Variants in COL25A1 observed in about 807,000 individuals in gnomAD.
COL25A1 encodes the protein collagen type XXV alpha 1 chain.
Under a neutral mutation model 128.4 loss-of-function variants are expected in COL25A1, and 103 were observed. That is an observed-to-expected ratio of 0.80 (90% confidence interval 0.68 to 0.94). The LOEUF (loss-of-function observed/expected upper bound fraction) is 0.94, where lower values mean the gene tolerates loss of function less well. COL25A1 is among the 40% of genes least tolerant of loss of function. The pLI is 0.00. For synonymous variants in COL25A1, 279 were observed against 277.2 expected (o/e 1.01, Z -0.06); for missense variants, 745 against 840.0 (o/e 0.89, Z 1.40).
chr4:108,897,415 A>G (rs912230390), intron 15 of COL25A1, among the ~76,000 whole-genome samples: 6 of 152,178 alleles, frequency 3.9e-5, no homozygotes, highest in Non-Finnish European at 7.3e-5. Flanking sequence ...TTCGTTTATT[A>G]TCTTCCTTAA....
At chr4:109,001,318 G>A (rs1021213165) in intron 6 of COL25A1, among the ~76,000 whole-genome samples, 1 of 17,006 alleles carries the variant, frequency 5.9e-5, no homozygotes, top group African/African-American at 9.6e-5. Context: ...CCAGACAACA[G>A]GCATATCTTC....
intron 3 of COL25A1, among the ~76,000 whole-genome samples, chr4:109,172,513 G>A (rs1773688093): frequency 6.6e-6 from 1 of 151,974 alleles, no homozygotes; most frequent in Non-Finnish European, 1.5e-5. Flanking sequence ...CCTCCTGTGG[G>A]TCTAAGTGTC....
Position 108,824,185 on chromosome 4 carries a change from T to G in COL25A1, c.1834A>C (p.Lys612Gln). The G allele has an allele frequency of 6.2e-7, 1 of 1,613,946 alleles. No individual in the cohort carries two copies. The highest frequency in any genetic ancestry group is 8.5e-7 in the Non-Finnish European group (1 of 1,179,918). Residue 612 changes from lysine (K) to glutamine (Q), a missense_variant, in exon 35 of 38, where the codon AAG becomes CAG. Lys to Gln is a moderately conservative substitution (Grantham distance 53). Transcript: ENST00000399132. ...PRGEKGDLGE[K>Q]GEKGFRGVKG... ...GATGGAGAGGTCACCTTTTCTCCCT[T>G]TTCTCCTAGATCACCCTTCTCACCC... is the stretch of plus-strand genomic sequence containing the variant.
At chr4:109,024,445 T>C (rs1374800781) in intron 5 of COL25A1, among the ~76,000 whole-genome samples, 1 of 151,980 alleles carries the variant, frequency 6.6e-6, no homozygotes, top group African/African-American at 2.4e-5. Flanking sequence ...TGTATATACA[T>C]ATTTATTCAG....
chr4:108,866,456 G>C (rs1167234577), intron 20 of COL25A1, among the ~76,000 whole-genome samples: 1 of 152,124 alleles, frequency 6.6e-6, no homozygotes, highest in Non-Finnish European at 1.5e-5. Flanking sequence ...GCCTCCCAAA[G>C]TGCTGGGATT....
chr4:109,088,779 G>A (rs1175593145), intron 3 of COL25A1, among the ~76,000 whole-genome samples: 2 of 152,170 alleles, frequency 1.3e-5, no homozygotes, highest in Non-Finnish European at 2.9e-5. Flanking sequence ...CATTGAAGTT[G>A]GCAACATGAG....
chr4:109,083,816 T>C (rs1210810240), intron 3 of COL25A1, among the ~76,000 whole-genome samples: 5 of 152,154 alleles, frequency 3.3e-5, no homozygotes, highest in Non-Finnish European at 1.5e-5. Flanking sequence ...CAGGTTTCTG[T>C]AATAATCTTC....
chr4:108,961,712 G>A (rs187339760), intron 8 of COL25A1, among the ~76,000 whole-genome samples: 1 of 152,132 alleles, frequency 6.6e-6, no homozygotes, highest in East Asian at 1.9e-4. Context: ...CTCACCAGTG[G>A]AAGAATTTCC....
At chr4:109,270,711 T>G (rs1007401999) in intron 3 of COL25A1, among the ~76,000 whole-genome samples, 1 of 152,160 alleles carries the variant, frequency 6.6e-6, no homozygotes, top group African/African-American at 2.4e-5. Flanking sequence ...AAGCCCCTTT[T>G]GCACAGAACT....
intron 3 of COL25A1, among the ~76,000 whole-genome samples, chr4:109,185,993 G>A (rs899441171): frequency 1.2e-4 from 19 of 152,326 alleles, no homozygotes; most frequent in East Asian, 5.8e-4. Flanking sequence ...TAAGTATTCC[G>A]TTGTGGCAGC....
At chr4:109,045,004 A>G (rs969844541) in intron 5 of COL25A1, among the ~76,000 whole-genome samples, 6 of 152,076 alleles carry the variant, frequency 3.9e-5, no homozygotes, top group African/African-American at 1.4e-4. Context: ...AACAAGACCA[A>G]CGCCTTTTCG....
At chr4:109,028,900 G>C (rs1758573762) in intron 5 of COL25A1, among the ~76,000 whole-genome samples, 1 of 152,184 alleles carries the variant, frequency 6.6e-6, no homozygotes, top group Admixed American at 6.5e-5. Flanking sequence ...GTCCAGCAAA[G>C]TTGGAACTGA....
intron 8 of COL25A1, among the ~76,000 whole-genome samples, chr4:108,967,182 T>G (rs1357118082): frequency 6.6e-6 from 1 of 152,192 alleles, no homozygotes; most frequent in African/African-American, 2.4e-5. Context: ...AGTAAGTATT[T>G]CATAGGGTTG....
Position 109,197,472 on chromosome 4 carries a change from A to AATAT in COL25A1, c.367+103110_367+103111insATAT, listed in dbSNP as rs1560850959. On this transcript the variant is annotated intron_variant, in intron 3 of 37. Coordinates refer to ENST00000399132, the MANE Select transcript of COL25A1 (RefSeq NM_198721.4). ...ATATTATATATAAATATTATATATA[A>AATAT]TATATATTATATATTATATATAAAT... Among the ~76,000 whole-genome samples the AATAT allele has an allele frequency of 5.9e-3, 689 of 117,000 alleles. 7 individuals carry two copies. Among genetic ancestry groups the AATAT allele is most frequent in the African/African-American group, 0.02 (636 of 32,178 alleles). 76.8% of individuals were successfully genotyped at this position (117,000 alleles called of 152,430 possible). A position where few individuals can be genotyped will look rare whatever the true frequency, so the allele number is the denominator to read the frequency against.
chr4:108,902,608 A>G (rs766931730), intron 13 of COL25A1, among the ~76,000 whole-genome samples: 1 of 152,044 alleles, frequency 6.6e-6, no homozygotes, highest in Admixed American at 6.6e-5. Flanking sequence ...TATCTACCAG[A>G]TAAACTAAGC....
chr4:108,858,478 C>G (rs184662559), intron 24 of COL25A1, among the ~76,000 whole-genome samples: 63 of 152,270 alleles, frequency 4.1e-4, no homozygotes, highest in African/African-American at 1.3e-3. Flanking sequence ...AAAAATGACT[C>G]TAAACTTTCT....
At chr4:109,151,505 G>C (rs1188765621) in intron 3 of COL25A1, among the ~76,000 whole-genome samples, 1 of 152,064 alleles carries the variant, frequency 6.6e-6, no homozygotes, top group African/African-American at 2.4e-5. Context: ...TATAATGCCA[G>C]TAACCTTATT....
intron 11 of COL25A1, among the ~76,000 whole-genome samples, chr4:108,923,247 T>C (rs1318887347): frequency 6.6e-6 from 1 of 152,234 alleles, no homozygotes; most frequent in Non-Finnish European, 1.5e-5. Flanking sequence ...TTGGTTAAGA[T>C]GATTACATTT....
intron 8 of COL25A1, among the ~76,000 whole-genome samples, chr4:108,959,803 T>C (rs1750469634): frequency 6.6e-6 from 1 of 152,118 alleles, no homozygotes; most frequent in South Asian, 2.1e-4. Flanking sequence ...CTTTCTCCAA[T>C]TCAATTTTGT....
Sources: gnomAD v4.1 joint callset for allele counts (sites outside exome capture counted in the v4.1 genomes callset) on GRCh38, gnomAD v4.1.1 for gene constraint, MANE v1.5 for transcripts, NCBI Gene and HGNC (gene_info 2026-07-23, HGNC 2026-07-21) for gene names.